The following STXBP5L variants were observed in gnomAD, a reference collection of about 807,000 sequenced individuals.
STXBP5L encodes the protein syntaxin-binding protein 5-like.
A neutral mutation model predicts 144.5 loss-of-function variants in STXBP5L; 65 were observed. That is an observed-to-expected ratio of 0.45 (90% CI 0.37 to 0.55). The LOEUF (loss-of-function observed/expected upper bound fraction) is 0.55, where lower values mean the gene tolerates loss of function less well. STXBP5L is among the 20% of genes least tolerant of loss of function. STXBP5L has a pLI of 0.00. For missense variants in STXBP5L, 1,298 were observed against 1,405.5 expected (o/e 0.92, Z 1.22); for synonymous variants, 505 against 469.6 (o/e 1.08, Z -0.97).
At chr3:121,096,999 G>A (rs1310402908) in intron 5 of STXBP5L, among the ~76,000 whole-genome samples, 2 of 152,178 alleles carry the variant, frequency 1.3e-5, no homozygotes, top group Non-Finnish European at 2.9e-5. Context: ...TTGTCTATAT[G>A]TCCCTTATGG....
chr3:121,204,015 G>C (rs1401928578), intron 9 of STXBP5L, among the ~76,000 whole-genome samples: 1 of 152,112 alleles, frequency 6.6e-6, no homozygotes, highest in African/African-American at 2.4e-5. Context: ...GAGAACAGGT[G>C]GATCACGAGG....
At chr3:121,407,115 C>T in intron 22 of STXBP5L, 128 bp from the exon 23 acceptor site, 2 of 1,172,378 alleles carry the variant, frequency 1.7e-6, no homozygotes, top group Non-Finnish European at 2.3e-6. Flanking sequence ...CACAAATCTA[C>T]AAATTCATAT....
chr3:121,159,678 G>A (rs1173821849), intron 9 of STXBP5L, among the ~76,000 whole-genome samples: 1 of 140,582 alleles, frequency 7.1e-6, no homozygotes, highest in Non-Finnish European at 1.5e-5. Flanking sequence ...CGCCCAGGCT[G>A]GACTGCAGTG....
rs768877763 is a variant in STXBP5L at position 121,250,737 on chromosome 3, C to T, written c.1415C>T (p.Ser472Leu). The T allele has an allele frequency of 6.2e-7, 1 of 1,608,482 alleles. No individual in the cohort carries two copies. Among genetic ancestry groups the T allele is most frequent in the South Asian group, 1.1e-5 (1 of 90,254 alleles). The change falls in exon 15 of 27, where the codon TCA (serine) becomes TTA (leucine). Residue 472 changes from serine to leucine, a missense_variant. Ser to Leu is a moderately radical substitution (Grantham distance 145). Transcript: ENST00000471454. ...TTCTCATCTAGTCATGCAGATGGAT[C>T]AATAAAATTTTGGGATGCTTCTGCA... ...EIIITGHADGSIKFWDASAIT... is the reference protein window; with the variant it reads ...EIIITGHADGLIKFWDASAIT...
At chr3:121,107,071 C>G (rs922824015) in intron 5 of STXBP5L, among the ~76,000 whole-genome samples, 1 of 149,910 alleles carries the variant, frequency 6.7e-6, no homozygotes, top group Non-Finnish European at 1.5e-5. Flanking sequence ...TGTCTTTGCC[C>G]ACTTTTTAAT....
At chr3:121,342,080 T>C (rs921793153) in intron 20 of STXBP5L, among the ~76,000 whole-genome samples, 1 of 151,984 alleles carries the variant, frequency 6.6e-6, no homozygotes, top group Non-Finnish European at 1.5e-5. Flanking sequence ...TATGCCTGTA[T>C]CAATATATGT....
At chr3:121,040,559 G>A (rs1169162940) in intron 3 of STXBP5L, among the ~76,000 whole-genome samples, 1 of 151,926 alleles carries the variant, frequency 6.6e-6, no homozygotes, top group Non-Finnish European at 1.5e-5. Flanking sequence ...TTAGTACTTA[G>A]CTAAAGATTT....
chr3:121,297,062 T>A (rs2051681774), intron 19 of STXBP5L, among the ~76,000 whole-genome samples: 2 of 152,156 alleles, frequency 1.3e-5, no homozygotes, highest in Admixed American at 1.3e-4. Context: ...AAAGGGGGTA[T>A]AAAAGATTGA....
At chr3:121,283,917 G>GTA (rs1466876939) in intron 19 of STXBP5L, among the ~76,000 whole-genome samples, 4 of 151,876 alleles carry the variant, frequency 2.6e-5, no homozygotes, top group African/African-American at 4.8e-5. Flanking sequence ...GTGTGTGTGT[G>GTA]TGTGTGTGTG....
chr3:121,397,825 A>C (rs1225305938), intron 22 of STXBP5L, among the ~76,000 whole-genome samples: 4 of 152,232 alleles, frequency 2.6e-5, no homozygotes, highest in African/African-American at 9.6e-5. Context: ...TGCAAAATAT[A>C]ACTACTTTGA....
At position 121,041,653 on chromosome 3, in the gene STXBP5L, A is replaced by G. The variant is rs377027468; in HGVS notation, c.288-47A>G. The G allele has an allele frequency of 5.2e-6, 7 of 1,358,764 alleles. No individual in the cohort carries two copies. In the Admixed American group the frequency reaches 1.2e-4, roughly 23 times the overall value. The allele number at this position is 1,358,764 out of a possible 1,614,324, so 84.2% of individuals were successfully genotyped here. ...TAAGTTAGTTTCTTTGCTCATTAAT[A>G]TTGGTGCTAATTAAAATGTTAGAAT... is the stretch of plus-strand genomic sequence containing the variant. On this transcript the variant is annotated intron_variant, in intron 3 of 26. Transcript: ENST00000471454.
intron 3 of STXBP5L, among the ~76,000 whole-genome samples, chr3:121,029,220 A>G (rs1255727845): frequency 6.6e-6 from 1 of 152,224 alleles, no homozygotes; most frequent in East Asian, 1.9e-4. Context: ...CCATATAGCC[A>G]AGACAATCCT....
intron 2 of STXBP5L, among the ~76,000 whole-genome samples, chr3:120,917,291 A>G (rs552306449): frequency 6.6e-6 from 1 of 152,344 alleles, no homozygotes; most frequent in East Asian, 1.9e-4. Context: ...TGATGGATAG[A>G]ATTAAGGTCA....
At chr3:121,083,287 T>G (rs1159832194) in intron 5 of STXBP5L, among the ~76,000 whole-genome samples, 2 of 152,220 alleles carry the variant, frequency 1.3e-5, no homozygotes, top group Non-Finnish European at 2.9e-5. Flanking sequence ...TTTACTGAAT[T>G]TATCTGGTTT....
chr3:121,050,390 T>A (rs1329247921), intron 5 of STXBP5L, among the ~76,000 whole-genome samples: 1 of 152,156 alleles, frequency 6.6e-6, no homozygotes, highest in Non-Finnish European at 1.5e-5. Context: ...AACTTTAAGA[T>A]CAGTAAAGAG....
At chr3:120,999,057 G>T (rs995336993) in intron 3 of STXBP5L, among the ~76,000 whole-genome samples, 11 of 151,982 alleles carry the variant, frequency 7.2e-5, no homozygotes, top group African/African-American at 2.4e-4. Flanking sequence ...TGTTTTTGTT[G>T]TCCTATGGTC....
intron 2 of STXBP5L, among the ~76,000 whole-genome samples, chr3:120,946,727 G>C (rs958108225): frequency 4.0e-5 from 6 of 151,712 alleles, no homozygotes; most frequent in East Asian, 1.9e-4. Flanking sequence ...GTCCCTTTGT[G>C]TTCCCAATTA....
At chr3:121,021,434 G>A (rs1379395397) in intron 3 of STXBP5L, among the ~76,000 whole-genome samples, 4 of 152,116 alleles carry the variant, frequency 2.6e-5, no homozygotes, top group African/African-American at 9.7e-5. Flanking sequence ...GATATTTACA[G>A]AACATTCTAC....
At chr3:120,911,128 T>C (rs1032983463) in intron 2 of STXBP5L, among the ~76,000 whole-genome samples, 1 of 152,106 alleles carries the variant, frequency 6.6e-6, no homozygotes, top group Non-Finnish European at 1.5e-5. Context: ...ATGACAGTGA[T>C]ACAGGAGAAT....
Sources: allele counts gnomAD v4.1 joint callset (sites outside exome capture counted in the v4.1 genomes callset), GRCh38; gene constraint gnomAD v4.1.1; transcripts MANE v1.5; gene names NCBI Gene and HGNC (gene_info 2026-07-23, HGNC 2026-07-21).